The following LUC7L3 variants were observed in gnomAD, a reference collection of about 807,000 sequenced individuals.
LUC7L3 encodes the protein LUC7 like 3 pre-mRNA splicing factor, also known as luc7-like protein 3.
LUC7L3 carries 6 observed loss-of-function variants against 66.8 expected under a neutral mutation model. The ratio of observed to expected loss-of-function variants is 0.09; its 90% CI spans 0.05 to 0.18. The LOEUF is 0.18. LUC7L3 is among the 10% of genes least tolerant of loss of function. The probability of loss-of-function intolerance (pLI) is 1.00; values close to 1 mark genes in which losing one functional copy is unlikely to be tolerated. For synonymous variants in LUC7L3, 160 were observed against 174.7 expected, an observed-to-expected ratio of 0.92 and a Z score of 0.66; for missense variants, 341 against 531.1, an observed-to-expected ratio of 0.64 and a Z score of 3.52.
At chr17:50,749,108 T>TG in intron 9 of LUC7L3, 1 of 707,850 alleles carries the variant, frequency 1.4e-6, no homozygotes, top group Non-Finnish European at 2.1e-6. Flanking sequence ...CAGCAACCAG[T>TG]GTAAGGTGCT....
At chr17:50,745,495 C>T (rs1241976234) in intron 7 of LUC7L3, among the ~76,000 whole-genome samples, 1 of 152,100 alleles carries the variant, frequency 6.6e-6, no homozygotes, top group Non-Finnish European at 1.5e-5. Context: ...ACTATGAAAG[C>T]ACTTGATTTT....
At chr17:50,727,832 G>A (rs545441329) in intron 1 of LUC7L3, among the ~76,000 whole-genome samples, 3 of 152,246 alleles carry the variant, frequency 2.0e-5, no homozygotes, top group South Asian at 2.1e-4. Context: ...TAGGCCGGGC[G>A]TGGTGGCTCA....
intron 5 of LUC7L3, among the ~76,000 whole-genome samples, chr17:50,743,400 T>A (rs982787962): frequency 6.6e-6 from 1 of 152,006 alleles, no homozygotes; most frequent in African/African-American, 2.4e-5. Flanking sequence ...GAGATGGGGT[T>A]TCACCATGTT....
intron 1 of LUC7L3, among the ~76,000 whole-genome samples, chr17:50,720,101 A>G (rs889692963): frequency 3.3e-5 from 5 of 152,246 alleles, no homozygotes; most frequent in African/African-American, 9.6e-5. Context: ...CGCGGGAAAG[A>G]AGGATAGCAG....
At chr17:50,733,925 A>G (rs1969809688) in intron 1 of LUC7L3, among the ~76,000 whole-genome samples, 1 of 151,932 alleles carries the variant, frequency 6.6e-6, no homozygotes, top group South Asian at 2.1e-4. Flanking sequence ...CCCCAAATAA[A>G]CTCTCAAAGA....
intron 1 of LUC7L3, among the ~76,000 whole-genome samples, chr17:50,728,580 T>G (rs1969353480): frequency 6.6e-6 from 1 of 152,020 alleles, no homozygotes. Flanking sequence ...GGAGACAGAG[T>G]CTTGATCTGT....
At chr17:50,745,544 C>T (rs1009511954) in intron 7 of LUC7L3, among the ~76,000 whole-genome samples, 176 bp from the exon 8 acceptor site, 2 of 152,034 alleles carry the variant, frequency 1.3e-5, no homozygotes, top group Non-Finnish European at 2.9e-5. Context: ...AAGAATATTC[C>T]TGAGGATTAG....
chr17:50,720,708 T>A (rs1469807843), intron 1 of LUC7L3, among the ~76,000 whole-genome samples: 1 of 152,258 alleles, frequency 6.6e-6, no homozygotes, highest in African/African-American at 2.4e-5. Context: ...ATGCTAATTT[T>A]AAAACAATTG....
chr17:50,741,791 A>C (rs1003056489), intron 5 of LUC7L3, 60 bp downstream of exon 5: 1 of 1,328,552 alleles, frequency 7.5e-7, no homozygotes, highest in African/African-American at 1.4e-5. Context: ...AACCAGCAAA[A>C]ATACAAGGAT....
At chr17:50,743,852 C>A in intron 6 of LUC7L3, 42 bp downstream of exon 6, 1 of 1,359,362 alleles carries the variant, frequency 7.4e-7, no homozygotes, top group Non-Finnish European at 1.0e-6. Flanking sequence ...TGTCTGTTAA[C>A]AGTTAGTAGG....
At chr17:50,739,155 G>A (rs974584448) in intron 2 of LUC7L3, among the ~76,000 whole-genome samples, 1 of 152,106 alleles carries the variant, frequency 6.6e-6, no homozygotes, top group African/African-American at 2.4e-5. Context: ...AAGAGATCCA[G>A]TAATTCTCAT....
At chr17:50,729,380 A>T (rs1368398576) in intron 1 of LUC7L3, among the ~76,000 whole-genome samples, 1 of 152,216 alleles carries the variant, frequency 6.6e-6, no homozygotes. Flanking sequence ...ATTTTCATGC[A>T]TTTGTATGAT....
At chr17:50,724,855 G>A (rs189751134) in intron 1 of LUC7L3, among the ~76,000 whole-genome samples, 30 of 147,386 alleles carry the variant, frequency 2.0e-4, no homozygotes, top group African/African-American at 5.8e-4. Flanking sequence ...TCCACCTCCC[G>A]GGTTCAAGCG....
chr17:50,749,338 C>T (rs1034189373), intron 9 of LUC7L3: 33 of 1,288,896 alleles, frequency 2.6e-5, no homozygotes, highest in Non-Finnish European at 3.3e-5. Flanking sequence ...GAGGACTTTC[C>T]CACAAGGTCA....
At chr17:50,734,086 A>G (rs890301910) in intron 1 of LUC7L3, among the ~76,000 whole-genome samples, 1 of 152,246 alleles carries the variant, frequency 6.6e-6, no homozygotes, top group African/African-American at 2.4e-5. Flanking sequence ...TAAAAACATT[A>G]GCTTTAGATA....
chr17:50,746,122 A>G (rs773711902), intron 8 of LUC7L3, 119 bp downstream of exon 8: 5 of 1,382,536 alleles, frequency 3.6e-6, no homozygotes, highest in Non-Finnish European at 4.7e-6. Context: ...TTTAAGTGAT[A>G]GGATGGGTTG....
At position 50,756,173 on chromosome 17, in the gene LUC7L3, A is replaced by G. The variant is rs941334347; in HGVS notation, c.*5512A>G. 10 of 151,984 alleles carry G rather than the reference A, an allele frequency of 6.6e-5. No individual in the cohort carries two copies. Among genetic ancestry groups the G allele is most frequent in the South Asian group, 2.1e-4 (1 of 4,824 alleles). 9.4% of individuals were successfully genotyped at this position (151,984 alleles called of 1,614,324 possible). A position where few individuals can be genotyped will look rare whatever the true frequency, so the allele number is the denominator to read the frequency against. On this transcript the variant is annotated 3_prime_UTR_variant, in exon 10 of 10. Coordinates refer to ENST00000505658, the MANE Select transcript of LUC7L3 (RefSeq NM_016424.5). ...AATCTGTATGTTTATGTGCTTTTGT[A>G]TGTATGATATTTCTTAATAAAATTT...
intron 1 of LUC7L3, among the ~76,000 whole-genome samples, chr17:50,733,639 G>A (rs1969784104): frequency 6.6e-6 from 1 of 151,926 alleles, no homozygotes; most frequent in Non-Finnish European, 1.5e-5. Flanking sequence ...CTGACCTCGT[G>A]ATCCGCACGC....
intron 1 of LUC7L3, among the ~76,000 whole-genome samples, chr17:50,721,056 T>A (rs756689756): frequency 6.6e-5 from 10 of 152,164 alleles, no homozygotes; most frequent in Non-Finnish European, 1.5e-4. Flanking sequence ...ACCTTGACCA[T>A]CTTTCTTTTG....
Sources: gnomAD v4.1 joint callset for allele counts (sites outside exome capture counted in the v4.1 genomes callset) on GRCh38, gnomAD v4.1.1 for gene constraint, MANE v1.5 for transcripts, NCBI Gene and HGNC (gene_info 2026-07-23, HGNC 2026-07-21) for gene names.